The following MED21 variants were observed in gnomAD, a reference collection of about 807,000 sequenced individuals.
MED21 encodes the protein mediator of RNA polymerase II transcription subunit 21.
A neutral mutation model predicts 18.2 loss-of-function variants in MED21; 9 were observed. That is an observed-to-expected ratio of 0.49 (90% CI 0.30 to 0.86). The LOEUF is 0.86. Ranked by LOEUF, MED21 falls within the 40% of genes least tolerant of loss-of-function variation. The pLI is 0.07. For synonymous variants in MED21, 73 were observed against 60.5 expected (o/e 1.21, Z -0.96); for missense variants, 150 against 170.9 (o/e 0.88, Z 0.68).
In MED21 at chr12:27,028,441, C is replaced by T. The variant is rs1281153182; in HGVS notation, c.415C>T (p.Gln139Ter). Residue 139 changes from glutamine to a stop codon, truncating the protein, a stop_gained, in exon 4 of 4, where the codon CAG becomes TAG. Coordinates refer to ENST00000282892, the MANE Select transcript of MED21 (RefSeq NM_004264.5). LOFTEE classifies it high-confidence loss of function. Reference sequence around the variant, plus strand: ...GAAGACAAGAAGTGGTACCCATAGCCAGTCTCTTCCAGACTCATAGCATCA... The same window carrying T: ...GAAGACAAGAAGTGGTACCCATAGCTAGTCTCTTCCAGACTCATAGCATCA... Reference protein sequence around the residue: ...QLKTRSGTHSQSLPDS With the variant: ...QLKTRSGTHS 6.8e-6 allele frequency: 11 copies of T among 1,613,942 alleles called. No individual in the cohort carries two copies. Among genetic ancestry groups the T allele is most frequent in the Non-Finnish European group, 9.3e-6 (11 of 1,179,874 alleles).
chr12:27,036,578 C>CAT (rs1941651330), intron 2 of MED21, among the ~76,000 whole-genome samples: 1 of 152,052 alleles, frequency 6.6e-6, no homozygotes, highest in African/African-American at 2.4e-5. Flanking sequence ...TTAGGTCTAA[C>CAT]GTTTAAGTCT....
chr12:27,028,293 C>G lies in MED21; in HGVS notation c.267C>G (p.Ser89Arg). 6.2e-7 allele frequency: 1 copy of G among 1,612,708 alleles called. No homozygotes were observed. The highest frequency in any genetic ancestry group is 8.5e-7 in the Non-Finnish European group (1 of 1,179,110). ...EESTAALQAA[S>R]LYKLEEENHE... ...ATTTGTGTCTTATAAAGGCTGCTAG[C>G]TTGTATAAGCTAGAAGAAGAAAACC... is the stretch of plus-strand genomic sequence containing the variant. The change falls in exon 4 of 4, where the codon AGC (serine) becomes AGG (arginine). Residue 89 changes from serine (S) to arginine (R), a missense_variant. By Grantham distance (110) the Ser-to-Arg change is moderately radical (BLOSUM62 -1). Transcript: ENST00000282892.
intron 1 of MED21, among the ~76,000 whole-genome samples, chr12:27,023,407 C>A (rs189364968): frequency 2.5e-4 from 32 of 127,714 alleles, no homozygotes; most frequent in African/African-American, 7.5e-4. Context: ...TCAAGCGATT[C>A]TCCTGTCTGA....
At chr12:27,033,745 A>G (rs750552888), downstream of MED21, among the ~76,000 whole-genome samples, 20 of 152,246 alleles carry the variant, frequency 1.3e-4, no homozygotes, top group Non-Finnish European at 2.8e-4. Context: ...ACTAAGAGAT[A>G]AAACTCAGGA....
At chr12:27,038,420 A>G (rs1941662440) in intron 2 of MED21, 2 of 152,224 alleles carry the variant, frequency 1.3e-5, no homozygotes, top group South Asian at 2.1e-4. Context: ...AAATAAGTAG[A>G]AAGTAATACC....
downstream of MED21, among the ~76,000 whole-genome samples, chr12:27,034,836 C>T (rs777416154): frequency 6.6e-6 from 1 of 152,092 alleles, no homozygotes; most frequent in Non-Finnish European, 1.5e-5. Context: ...CTGCAACCTC[C>T]GTCTCCCGGG....
chr12:27,034,978 T>C (rs1457810008), downstream of MED21, among the ~76,000 whole-genome samples: 3 of 152,188 alleles, frequency 2.0e-5, no homozygotes, highest in Non-Finnish European at 2.9e-5. Context: ...CTTGAATTCC[T>C]GACCTTAGGT....
rs758663759 is a variant in MED21, at chr12:27,026,482, C to A, written c.105C>A (p.Phe35Leu). The A allele has an allele frequency of 3.1e-6, 5 of 1,613,804 alleles. No homozygotes were observed. The highest frequency in any genetic ancestry group is 2.7e-5 in the African/African-American group (2 of 74,916). ...VLQQCGPPASFNNIQTAINKD... is the reference protein window; with the variant it reads ...VLQQCGPPASLNNIQTAINKD... ...AGCAATGTGGTCCTCCTGCCTCTTTCAATAATATTCAGACAGCAATTAACA... is the reference window on the plus strand; with the variant it reads ...AGCAATGTGGTCCTCCTGCCTCTTTAAATAATATTCAGACAGCAATTAACA... The change falls in exon 2 of 4, where the codon TTC becomes TTA. Residue 35 changes from phenylalanine to leucine, a missense_variant. Physicochemically the swap from Phe to Leu is conservative, Grantham distance 22 (BLOSUM62 0). Coordinates refer to ENST00000282892, the MANE Select transcript of MED21 (RefSeq NM_004264.5).
At chr12:27,038,834 G>A (rs1183086619) in intron 2 of MED21, 1 of 152,194 alleles carries the variant, frequency 6.6e-6, no homozygotes, top group African/African-American at 2.4e-5. Context: ...TGATCAAAAT[G>A]TTCTGGAATT....
At position 27,029,636 on chromosome 12, in the gene MED21, A is replaced by G. The variant is rs772070328; in HGVS notation, c.*1175A>G. The G allele has an allele frequency of 5.1e-6, 5 of 985,472 alleles. No individual in the cohort carries two copies. Among genetic ancestry groups the G allele is most frequent in the Non-Finnish European group, 6.0e-6 (5 of 829,926 alleles). 61.0% of individuals were successfully genotyped at this position (985,472 alleles called of 1,614,324 possible). A position where few individuals can be genotyped will look rare whatever the true frequency, so the allele number is the denominator to read the frequency against. Reference sequence around the variant, plus strand: ...TGAAAAGTACTATGTTTCAAATTTCAGGAACACCAGCGTTAGCTGTAAAAG... The same window carrying G: ...TGAAAAGTACTATGTTTCAAATTTCGGGAACACCAGCGTTAGCTGTAAAAG... On this transcript the variant is annotated 3_prime_UTR_variant, in exon 4 of 4. Coordinates refer to ENST00000282892, the MANE Select transcript of MED21 (RefSeq NM_004264.5).
At position 27,029,312 on chromosome 12, in the gene MED21, G is replaced by A; in HGVS notation, c.*851G>A. The A allele has an allele frequency of 4.1e-6, 4 of 985,234 alleles. No homozygotes were observed. Among genetic ancestry groups the A allele is most frequent in the Non-Finnish European group, 4.8e-6 (4 of 829,896 alleles). The allele number at this position is 985,234 out of a possible 1,614,324, so 61.0% of individuals were successfully genotyped here. A position where few individuals can be genotyped will look rare whatever the true frequency, so the allele number is the denominator to read the frequency against. On this transcript the variant is annotated 3_prime_UTR_variant, in exon 4 of 4. Transcript: ENST00000282892. ...ATACTTCCACTACATCAGTTACTTG[G>A]CATCATTTCACCTCAGTTTATTATT... is the stretch of plus-strand genomic sequence containing the variant.
In MED21 at chr12:27,030,660, C is replaced by T. The variant is rs1054374743; in HGVS notation, c.*2199C>T. The T allele has an allele frequency of 6.5e-6, 1 of 152,672 alleles. No homozygotes were observed. Among genetic ancestry groups the T allele is most frequent in the African/African-American group, 2.4e-5 (1 of 41,402 alleles). 9.5% of individuals were successfully genotyped at this position (152,672 alleles called of 1,614,324 possible). ...CTGTGGCTTGTAATTAAAAATAGAC[C>T]TTTATTCACTAGACCTACAGTTTGC... On this transcript the variant is annotated 3_prime_UTR_variant, in exon 4 of 4. Transcript: ENST00000282892.
chr12:27,027,675 A>G (rs915515281), intron 3 of MED21, among the ~76,000 whole-genome samples: 5 of 152,170 alleles, frequency 3.3e-5, no homozygotes, highest in Non-Finnish European at 5.9e-5. Context: ...TTTATTAAAC[A>G]TGGTGCCATG....
At chr12:27,026,274 C>A in intron 1 of MED21, 146 bp from the exon 2 acceptor site, 1 of 521,198 alleles carries the variant, frequency 1.9e-6, no homozygotes, top group Non-Finnish European at 3.4e-6. Context: ...TAATAACTGG[C>A]TTATTTTATC....
At chr12:27,033,541 TTTTG>T (rs1164732900), downstream of MED21, among the ~76,000 whole-genome samples, 2 of 152,192 alleles carry the variant, frequency 1.3e-5, no homozygotes, top group Admixed American at 1.3e-4. Flanking sequence ...TAGTCTGGAT[TTTTG>T]TTTGTTTTAC....
chr12:27,022,607 G>T lies in MED21; in HGVS notation c.28G>T (p.Asp10Tyr). 6.3e-7 allele frequency: 1 copy of T among 1,590,234 alleles called. No individual in the cohort carries two copies. Among genetic ancestry groups the T allele is most frequent in the South Asian group, 1.1e-5 (1 of 90,302 alleles). Reference sequence around the variant, plus strand: ...GGCGGATCGGCTCACGCAGCTTCAGGACGCTGTGAATTCGGTGAGGAATTT... The same window carrying T: ...GGCGGATCGGCTCACGCAGCTTCAGTACGCTGTGAATTCGGTGAGGAATTT... MADRLTQLQ[D>Y]AVNSLADQFC... Residue 10 changes from aspartate (D) to tyrosine (Y), a missense_variant, in exon 1 of 4, where the codon GAC (aspartate) becomes TAC (tyrosine). By Grantham distance (160) the Asp-to-Tyr change is radical. Transcript: ENST00000282892.
chr12:27,025,559 G>C (rs1234020736), intron 1 of MED21, among the ~76,000 whole-genome samples: 1 of 152,194 alleles, frequency 6.6e-6, no homozygotes, highest in Admixed American at 6.5e-5. Context: ...AGAAGGAAAA[G>C]AGAAAGATTT....
At chr12:27,025,021 G>C (rs1941525504) in intron 1 of MED21, among the ~76,000 whole-genome samples, 1 of 152,164 alleles carries the variant, frequency 6.6e-6, no homozygotes, top group African/African-American at 2.4e-5. Context: ...CTATGTCTCT[G>C]TAGTGTTTAT....
At chr12:27,036,888 G>T (rs1342039138) in intron 2 of MED21, among the ~76,000 whole-genome samples, 1 of 152,180 alleles carries the variant, frequency 6.6e-6, no homozygotes, top group African/African-American at 2.4e-5. Context: ...CTCCAGCTTT[G>T]TTCTTTTGGC....
Sources: allele counts gnomAD v4.1 joint callset (sites outside exome capture counted in the v4.1 genomes callset), GRCh38; gene constraint gnomAD v4.1.1; transcripts MANE v1.5; gene names NCBI Gene and HGNC (gene_info 2026-07-23, HGNC 2026-07-21).